RNF111: variants seen among roughly 807,000 people sequenced by gnomAD.
RNF111 encodes E3 ubiquitin-protein ligase Arkadia.
RNF111 carries 17 observed loss-of-function variants against 95.1 expected under a neutral mutation model. That is an observed-to-expected ratio of 0.18 (90% CI 0.12 to 0.27). The LOEUF (loss-of-function observed/expected upper bound fraction) is 0.27. Among genes scored for constraint, RNF111 ranks in the 10% least tolerant of loss-of-function variants. RNF111 has a pLI of 1.00. For missense variants in RNF111, 1,189 were observed against 1,210.4 expected (o/e 0.98, Z 0.26); for synonymous variants, 440 against 414.8 (o/e 1.06, Z -0.74).
At chr15:58,993,161 T>C (rs1476632246) in intron 1 of RNF111, among the ~76,000 whole-genome samples, 4 of 151,190 alleles carry the variant, frequency 2.6e-5, no homozygotes, top group Non-Finnish European at 4.4e-5. Context: ...CAGAGCAAGA[T>C]TCCATCTCAA....
Position 59,076,114 on chromosome 15 carries a change from C to A in RNF111, c.1847C>A (p.Ser616Ter). 1 of 1,614,188 alleles carries A rather than the reference C, an allele frequency of 6.2e-7. No homozygotes were observed. The highest frequency in any genetic ancestry group is 8.5e-7 in the Non-Finnish European group (1 of 1,180,040). Reference sequence around the variant, plus strand: ...GCTGCTGCCCCAAGTCAACCTTTATCATCAATAGATGGCTATGGATCAAGC... The same window carrying A: ...GCTGCTGCCCCAAGTCAACCTTTATAATCAATAGATGGCTATGGATCAAGC... ...AAAAAPSQPL[S>*]SIDGYGSSMV... is the part of the protein sequence containing the mutation. The change falls in exon 7 of 14, where the codon TCA becomes TAA. Residue 616 changes from serine to a stop codon, truncating the protein, a stop_gained. Coordinates refer to ENST00000348370, the MANE Select transcript of RNF111 (RefSeq NM_017610.8). LOFTEE classifies it high-confidence loss of function.
intron 10 of RNF111, among the ~76,000 whole-genome samples, chr15:59,088,206 AG>A (rs1179085307): frequency 6.6e-6 from 1 of 152,220 alleles, no homozygotes; most frequent in African/African-American, 2.4e-5. Flanking sequence ...AGCATGACCC[AG>A]GGTGAACAGG....
chr15:59,014,011 G>A (rs2039952767), intron 1 of RNF111, among the ~76,000 whole-genome samples: 1 of 152,092 alleles, frequency 6.6e-6, no homozygotes, highest in Non-Finnish European at 1.5e-5. Flanking sequence ...GGCTGGTCTT[G>A]AACTCCTGAG....
At chr15:59,060,950 C>A (rs1268901025) in intron 5 of RNF111, among the ~76,000 whole-genome samples, 1 of 151,836 alleles carries the variant, frequency 6.6e-6, no homozygotes, top group Non-Finnish European at 1.5e-5. Flanking sequence ...CCACCACGTC[C>A]GGCTAATTTT....
chr15:59,016,907 A>C (rs1284666455), intron 1 of RNF111, among the ~76,000 whole-genome samples: 1 of 151,756 alleles, frequency 6.6e-6, no homozygotes, highest in Non-Finnish European at 1.5e-5. Context: ...CATGAACCCT[A>C]TTGTGAACTG....
At chr15:59,015,658 C>G (rs1207232038) in intron 1 of RNF111, among the ~76,000 whole-genome samples, 1 of 151,668 alleles carries the variant, frequency 6.6e-6, no homozygotes, top group East Asian at 1.9e-4. Flanking sequence ...ACCTACAGCC[C>G]CAAGCATTAG....
At chr15:59,082,136 C>G (rs1329395699) in intron 8 of RNF111, among the ~76,000 whole-genome samples, 3 of 152,214 alleles carry the variant, frequency 2.0e-5, no homozygotes, top group African/African-American at 7.2e-5. Flanking sequence ...GAAATTGATT[C>G]TTTGCTAACG....
chr15:59,064,527 C>CT (rs1326028011), intron 5 of RNF111, among the ~76,000 whole-genome samples: 2 of 99,286 alleles, frequency 2.0e-5, no homozygotes, highest in African/African-American at 9.6e-5. Context: ...CAGAGCAAGA[C>CT]TTTGTCGCAA....
chr15:59,093,335 A>AT, intron 13 of RNF111: 7 of 384,478 alleles, frequency 1.8e-5, no homozygotes, highest in Non-Finnish European at 2.5e-5. Flanking sequence ...GTTTTACAGC[A>AT]TCTTTTTTTT....
At chr15:59,090,435 G>GGC (rs1221524225) in intron 11 of RNF111, among the ~76,000 whole-genome samples, 1 of 152,128 alleles carries the variant, frequency 6.6e-6, no homozygotes, top group African/African-American at 2.4e-5. Context: ...TTGCCATGTT[G>GGC]GCCAGGCTGC....
intron 1 of RNF111, among the ~76,000 whole-genome samples, chr15:59,026,012 G>A (rs1244919973): frequency 6.6e-6 from 1 of 151,268 alleles, no homozygotes; most frequent in African/African-American, 2.4e-5. Flanking sequence ...TTACAGGCGT[G>A]AGCCACTGTG....
In RNF111 at chr15:59,075,909, T is replaced by A. The variant is rs1459706557; in HGVS notation, c.1687-45T>A. ...ACTTTTATAATATAACATGAAATAT[T>A]TGACCAAACTTTAGAAAGATAAAAT... On this transcript the variant is annotated intron_variant, in intron 6 of 13. Transcript: ENST00000348370. 2.5e-6 allele frequency: 4 copies of A among 1,591,154 alleles called. No homozygotes were observed. In the African/African-American group the frequency reaches 5.4e-5, roughly 22 times the overall value.
intron 1 of RNF111, among the ~76,000 whole-genome samples, chr15:59,027,176 A>G (rs1421467398): frequency 2.6e-5 from 4 of 152,166 alleles, no homozygotes; most frequent in African/African-American, 9.7e-5. Flanking sequence ...GGACTTAGTA[A>G]TTACGGATGA....
intron 10 of RNF111, among the ~76,000 whole-genome samples, chr15:59,089,046 C>T (rs1411504120): frequency 6.6e-6 from 1 of 152,110 alleles, no homozygotes; most frequent in African/African-American, 2.4e-5. Flanking sequence ...CCTGTTCTAC[C>T]TCAGCTGGGA....
At position 58,995,813 on chromosome 15, in the gene RNF111, A is replaced by T. The variant is rs182005627; in HGVS notation, c.-20+7745A>T. On this transcript the variant is annotated intron_variant, in intron 1 of 13. Transcript: ENST00000348370. The stretch of plus-strand genomic sequence containing the variant: ...TAAGTATTTCCTGTCTTTCTGGCAC[A>T]GCAAGATGTTGCAAGCACATCTTAT... 1.2e-3 allele frequency among the ~76,000 whole-genome samples: 170 copies of T among 141,170 alleles called. 3 individuals are homozygous for T. Among genetic ancestry groups the T allele is most frequent in the African/African-American group, 4.3e-3 (163 of 37,498 alleles). The allele number at this position is 141,170 out of a possible 152,430, so 92.6% of individuals were successfully genotyped here.
At chr15:59,023,992 C>G (rs1169992967) in intron 1 of RNF111, among the ~76,000 whole-genome samples, 1 of 152,078 alleles carries the variant, frequency 6.6e-6, no homozygotes. Context: ...GATCAGTTTA[C>G]CAATAATATA....
chr15:59,052,625 C>G (rs1450657878), intron 3 of RNF111, among the ~76,000 whole-genome samples, 194 bp downstream of exon 3: 1 of 131,596 alleles, frequency 7.6e-6, no homozygotes, highest in Non-Finnish European at 1.5e-5. Flanking sequence ...GTTACCCAGG[C>G]TGGACTTCTA....
rs571198041 is a variant in RNF111, at chr15:59,046,399, C to G, written c.881-5906C>G. On this transcript the variant is annotated intron_variant, in intron 2 of 13. Coordinates refer to ENST00000348370, the MANE Select transcript of RNF111 (RefSeq NM_017610.8). ...GTGGAAATGAGGTTTCACCATGTTA[C>G]CCAGGCTGGTCTCGCACTCCTGGGC... Among the ~76,000 whole-genome samples the G allele has an allele frequency of 9.9e-5, 15 of 152,222 alleles. No homozygotes were observed. In the East Asian group the frequency reaches 2.3e-3, roughly 24 times the overall value.
At chr15:59,088,587 A>G (rs1304133508) in intron 10 of RNF111, among the ~76,000 whole-genome samples, 2 of 152,212 alleles carry the variant, frequency 1.3e-5, no homozygotes, top group African/African-American at 2.4e-5. Context: ...AGATTTATTT[A>G]TAAAGATGGA....
Sources: gnomAD v4.1 joint callset for allele counts (sites outside exome capture counted in the v4.1 genomes callset) on GRCh38, gnomAD v4.1.1 for gene constraint, MANE v1.5 for transcripts, NCBI Gene and HGNC (gene_info 2026-07-23, HGNC 2026-07-21) for gene names.